The following MUC15 variants were observed in gnomAD, a reference collection of about 807,000 sequenced individuals.
The protein encoded by MUC15 is mucin-15.
MUC15 carries 23 observed loss-of-function variants against 24.0 expected under a neutral mutation model. The ratio of observed to expected loss-of-function variants is 0.96; its 90% CI spans 0.69 to 1.36. The LOEUF is 1.36. MUC15 is among the 40% of genes most tolerant of loss of function. The probability of loss-of-function intolerance (pLI) is 0.00; values close to 1 mark genes in which losing one functional copy is unlikely to be tolerated. For synonymous variants in MUC15, 151 were observed against 156.3 expected (o/e 0.97, Z 0.25); for missense variants, 442 against 428.2 (o/e 1.03, Z -0.29).
Position 26,559,227 on chromosome 11 carries a change from T to C in MUC15, c.*1838A>G, listed in dbSNP as rs961795404. 4 of 153,246 alleles carry C rather than the reference T, an allele frequency of 2.6e-5. No individual in the cohort carries two copies. The highest frequency in any genetic ancestry group is 9.7e-5 in the African/African-American group (4 of 41,442). 9.5% of individuals were successfully genotyped at this position (153,246 alleles called of 1,614,324 possible). On this transcript the variant is annotated 3_prime_UTR_variant, in exon 5 of 5. Transcript: ENST00000529533. ...GGGATTTATTACATCTTATAGCCAT[T>C]ATTGGACCCATTCTACATTTTGAAA...
In MUC15 at chr11:26,560,580, T is replaced by C. The variant is rs1035493947; in HGVS notation, c.*485A>G. 1 of 153,564 alleles carries C rather than the reference T, an allele frequency of 6.5e-6. No homozygotes were observed. Among genetic ancestry groups the C allele is most frequent in the Admixed American group, 6.6e-5 (1 of 15,260 alleles). 9.5% of individuals were successfully genotyped at this position (153,564 alleles called of 1,614,324 possible). A position where few individuals can be genotyped will look rare whatever the true frequency, so the allele number is the denominator to read the frequency against. On this transcript the variant is annotated 3_prime_UTR_variant, in exon 5 of 5. Transcript: ENST00000529533. ...CTCAATTTCCCAATAACAGAAACTC[T>C]GGGCTATGTCCTCTTTTTAGCTTTA...
chr11:26,562,988 A>G (rs1850353535), intron 4 of MUC15, 128 bp downstream of exon 4: 1 of 1,319,732 alleles, frequency 7.6e-7, no homozygotes, highest in African/African-American at 1.5e-5. Flanking sequence ...GTGGATCAGA[A>G]TAAGTCTTTA....
chr11:26,561,539 A>T (rs907024898), intron 4 of MUC15, among the ~76,000 whole-genome samples: 1 of 151,942 alleles, frequency 6.6e-6, no homozygotes, highest in Admixed American at 6.6e-5. Context: ...TTGACTTTTG[A>T]ATCTTGTGAT....
In MUC15 at chr11:26,560,019, A is replaced by G. The variant is rs59892800; in HGVS notation, c.*1046T>C. The G allele has an allele frequency of 8.8e-4, 325 of 368,316 alleles. 1 individual carries two copies. In the East Asian group the frequency reaches 0.013, roughly 15 times the overall value. 22.8% of individuals were successfully genotyped at this position (368,316 alleles called of 1,614,324 possible). ...TAGACTTTCCTACATCAAGGAACAT[A>G]TTTTTTCTACCAAAGGAAGGTGGTA... On this transcript the variant is annotated 3_prime_UTR_variant, in exon 5 of 5. Transcript: ENST00000529533.
At position 26,572,138 on chromosome 11, in the gene MUC15, A is replaced by T. The variant is rs941427854; in HGVS notation, c.-143T>A. The T allele has an allele frequency of 7.1e-6, 7 of 985,400 alleles. No individual in the cohort carries two copies. The highest frequency in any genetic ancestry group is 4.7e-5 in the South Asian group (1 of 21,290). The allele number at this position is 985,400 out of a possible 1,614,324, so 61.0% of individuals were successfully genotyped here. A position where few individuals can be genotyped will look rare whatever the true frequency, so the allele number is the denominator to read the frequency against. Reference sequence around the variant, plus strand: ...TGCATTAGAGAAAACAGATGGGTTAAGTGTGACAATGTCGCACTGAGCAGG... The same window carrying T: ...TGCATTAGAGAAAACAGATGGGTTATGTGTGACAATGTCGCACTGAGCAGG... On this transcript the variant is annotated 5_prime_UTR_variant, in exon 1 of 5. Coordinates refer to ENST00000529533, the MANE Select transcript of MUC15 (RefSeq NM_001135091.2).
At position 26,560,497 on chromosome 11, in the gene MUC15, T is replaced by A. The variant is rs1368837806; in HGVS notation, c.*568A>T. ...TTCATAACTCAGTGGGCTGATCATG[T>A]GTGTGCTGATCTAGAAAATTATAAC... On this transcript the variant is annotated 3_prime_UTR_variant, in exon 5 of 5. Transcript: ENST00000529533. The A allele has an allele frequency of 6.6e-6, 1 of 152,400 alleles. No homozygotes were observed. The highest frequency in any genetic ancestry group is 6.6e-5 in the Admixed American group (1 of 15,232). The allele number at this position is 152,400 out of a possible 1,614,324, so 9.4% of individuals were successfully genotyped here.
chr11:26,569,481 C>T (rs1244766352), intron 1 of MUC15, among the ~76,000 whole-genome samples: 1 of 152,024 alleles, frequency 6.6e-6, no homozygotes, highest in Non-Finnish European at 1.5e-5. Context: ...TACTCAGGTT[C>T]CTTTCATCTT....
At position 26,570,307 on chromosome 11, in the gene MUC15, A is replaced by G. The variant is rs146872779; in HGVS notation, c.-46+1734T>C. ...ATGGAGGGCTGCAGAAAGTGATGAG[A>G]AAAAACAAAAACAAAAAACACCTCT... On this transcript the variant is annotated intron_variant, in intron 1 of 4. Coordinates refer to ENST00000529533, the MANE Select transcript of MUC15 (RefSeq NM_001135091.2). Among the ~76,000 whole-genome samples the G allele has an allele frequency of 2.8e-3, 424 of 152,194 alleles. 1 individual carries two copies. The highest frequency in any genetic ancestry group is 5.4e-3 in the Admixed American group (83 of 15,260).
In MUC15 at chr11:26,559,191, C is replaced by T. The variant is rs1425718901; in HGVS notation, c.*1874G>A. On this transcript the variant is annotated 3_prime_UTR_variant, in exon 5 of 5. Coordinates refer to ENST00000529533, the MANE Select transcript of MUC15 (RefSeq NM_001135091.2). ...TCAGTGATTTATGAAACTTTTAAAA[C>T]AAATTAAGATGGGATTTATTACATC... The T allele has an allele frequency of 6.6e-6, 1 of 152,194 alleles. No individual in the cohort carries two copies. The highest frequency in any genetic ancestry group is 1.5e-5 in the Non-Finnish European group (1 of 68,100). 9.4% of individuals were successfully genotyped at this position (152,194 alleles called of 1,614,324 possible). A position where few individuals can be genotyped will look rare whatever the true frequency, so the allele number is the denominator to read the frequency against.
At chr11:26,562,882 A>G (rs1391688784) in intron 4 of MUC15, among the ~76,000 whole-genome samples, 2 of 151,920 alleles carry the variant, frequency 1.3e-5, no homozygotes, top group Non-Finnish European at 2.9e-5. Flanking sequence ...TATTATTTAA[A>G]ACCAATTTTG....
intron 3 of MUC15, among the ~76,000 whole-genome samples, chr11:26,564,779 ATATAT>A (rs1850495882): frequency 9.7e-6 from 1 of 102,892 alleles, no homozygotes; most frequent in African/African-American, 3.6e-5. Context: ...ATATATATAT[ATATAT>A]AAGTTCAGTT....
chr11:26,567,068 G>A lies in MUC15; in HGVS notation c.27C>T (p.Ala9=). The change falls in exon 2 of 5, where the codon GCC becomes GCT. Residue 9 remains alanine (A), a synonymous_variant. Coordinates refer to ENST00000529533, the MANE Select transcript of MUC15 (RefSeq NM_001135091.2). MGIIQSIL[A]TSRDCYSFKK... is the part of the protein sequence containing the mutation. ...GATACTTACAACAATCCCTTGATGT[G>A]GCAAGAATAGATTGTATTATGCCCA... is the stretch of plus-strand genomic sequence containing the variant. The A allele has an allele frequency of 1.3e-6, 2 of 1,506,684 alleles. No homozygotes were observed. The highest frequency in any genetic ancestry group is 8.9e-7 in the Non-Finnish European group (1 of 1,122,704). 93.3% of individuals were successfully genotyped at this position (1,506,684 alleles called of 1,614,324 possible).
intron 3 of MUC15, 128 bp from the exon 4 acceptor site, chr11:26,563,393 C>CTGTGTGTGTGTGTG (rs764671965): frequency 1.6e-5 from 13 of 825,658 alleles, no homozygotes; most frequent in South Asian, 6.5e-5. Context: ...GTGTTTCTCT[C>CTGTGTGTGTGTGTG]TCTGTGTGTG....
chr11:26,564,692 T>TATAC (rs1554970707), intron 3 of MUC15, among the ~76,000 whole-genome samples: 1,120 of 41,050 alleles, frequency 0.027, 178 homozygotes, highest in East Asian at 0.05. Context: ...CTCATATATA[T>TATAC]ACACACACAC....
intron 4 of MUC15, among the ~76,000 whole-genome samples, chr11:26,562,589 T>C (rs1850336255): frequency 6.6e-6 from 1 of 151,916 alleles, no homozygotes; most frequent in Non-Finnish European, 1.5e-5. Flanking sequence ...GAGTGGAAAA[T>C]TCCTGAATTA....
chr11:26,566,666 G>A lies in MUC15; in HGVS notation c.43+386C>T, dbSNP rs185100007. On this transcript the variant is annotated intron_variant, in intron 2 of 4. Coordinates refer to ENST00000529533, the MANE Select transcript of MUC15 (RefSeq NM_001135091.2). ...GGTTGGGGTGTGTGTGGGAAAATAA[G>A]CTAGATAATTGCAGATTGGGTCCTG... Among the ~76,000 whole-genome samples, 6 of 151,928 alleles carry A rather than the reference G, an allele frequency of 3.9e-5. No homozygotes were observed. In the East Asian group the frequency reaches 1.2e-3, roughly 29 times the overall value.
chr11:26,566,740 C>T (rs1334261263), intron 2 of MUC15, among the ~76,000 whole-genome samples: 1 of 151,762 alleles, frequency 6.6e-6, no homozygotes, highest in Admixed American at 6.6e-5. Context: ...GGAAGTGCCA[C>T]AATTCATAAA....
chr11:26,561,370 T>A, intron 4 of MUC15, 145 bp from the exon 5 acceptor site: 1 of 635,746 alleles, frequency 1.6e-6, no homozygotes, highest in Non-Finnish European at 2.5e-6. Context: ...TTTAAAATTT[T>A]AAATAAGTAG....
chr11:26,571,220 T>A (rs530876449), intron 1 of MUC15, among the ~76,000 whole-genome samples: 1 of 152,212 alleles, frequency 6.6e-6, no homozygotes, highest in Admixed American at 6.5e-5. Flanking sequence ...TAGATCAAAA[T>A]TTTCAAGCAT....
Sources: allele counts gnomAD v4.1 joint callset (sites outside exome capture counted in the v4.1 genomes callset), GRCh38; gene constraint gnomAD v4.1.1; transcripts MANE v1.5; gene names NCBI Gene and HGNC (gene_info 2026-07-23, HGNC 2026-07-21).